RASSF3: variants seen among roughly 807,000 people sequenced by gnomAD.
RASSF3 encodes Ras association domain family member 3.
In RASSF3, 19 loss-of-function variants were observed where a neutral mutation model predicts 19.9. The ratio of observed to expected loss-of-function variants is 0.96; its 90% CI spans 0.67 to 1.40. The LOEUF is 1.40. Among genes scored for constraint, RASSF3 ranks in the 40% most tolerant of loss-of-function variants. The pLI, the probability that RASSF3 is intolerant of heterozygous loss-of-function variation, is 0.00. For synonymous variants in RASSF3, 110 were observed against 104.2 expected (o/e 1.06, Z -0.34); for missense variants, 306 against 289.8 (o/e 1.06, Z -0.41).
At chr12:64,591,798 A>G (rs888304425) in intron 2 of RASSF3, among the ~76,000 whole-genome samples, 13 of 152,178 alleles carry the variant, frequency 8.5e-5, no homozygotes, top group African/African-American at 2.7e-4. Context: ...CAAAATCAGA[A>G]CTATAAACCT....
chr12:64,571,058 A>G (rs978032959), intron 2 of RASSF3, among the ~76,000 whole-genome samples: 16 of 152,184 alleles, frequency 1.1e-4, no homozygotes, highest in African/African-American at 3.9e-4. Flanking sequence ...TCTCTACTAA[A>G]AATACAAAAA....
intron 1 of RASSF3, among the ~76,000 whole-genome samples, chr12:64,632,680 G>A (rs1433118512): frequency 6.6e-6 from 1 of 152,018 alleles, no homozygotes; most frequent in East Asian, 1.9e-4. Context: ...AGAGGAACAG[G>A]TTTAGTGAGG....
rs1716497 is a variant in RASSF3, at chr12:64,640,889, T to A, written c.111+30146T>A. Among the ~76,000 whole-genome samples, 8 of 151,878 alleles carry A rather than the reference T, an allele frequency of 5.3e-5. No homozygotes were observed. In the South Asian group the frequency reaches 8.3e-4, roughly 16 times the overall value. ...ACTCCTGGGTTCAAGCAGTCCTCCC[T>A]CCTCGACCTCCCAAAGTGCTGGGAG... is the stretch of plus-strand genomic sequence containing the variant. On this transcript the variant is annotated intron_variant, in intron 1 of 4. Transcript: ENST00000542104.
At chr12:64,610,164 A>G (rs992189897), upstream of RASSF3, among the ~76,000 whole-genome samples, 1 of 152,178 alleles carries the variant, frequency 6.6e-6, no homozygotes, top group African/African-American at 2.4e-5. Flanking sequence ...AACTCGAGCC[A>G]GCGAGGCTGG....
At chr12:64,684,377 C>T (rs1007250213) in intron 1 of RASSF3, among the ~76,000 whole-genome samples, 1 of 151,628 alleles carries the variant, frequency 6.6e-6, no homozygotes. Flanking sequence ...CACCACCGTG[C>T]CCGGCCCTTG....
intron 2 of RASSF3, among the ~76,000 whole-genome samples, chr12:64,603,223 T>C (rs537295178): frequency 6.6e-6 from 1 of 152,300 alleles, no homozygotes; most frequent in African/African-American, 2.4e-5. Context: ...AAGGTAATTA[T>C]GACTTGGTCA....
In RASSF3 at chr12:64,633,249, A is replaced by G. The variant is rs1049680873; in HGVS notation, c.111+22506A>G. On this transcript the variant is annotated intron_variant, in intron 1 of 4. Transcript: ENST00000542104. ...TATTCTCTGGTTTTGACACCAGTGGATACTGATACGGTTTGGATGTGTGTT... is the reference window on the plus strand; with the variant it reads ...TATTCTCTGGTTTTGACACCAGTGGGTACTGATACGGTTTGGATGTGTGTT... Among the ~76,000 whole-genome samples, 7 of 152,192 alleles carry G rather than the reference A, an allele frequency of 4.6e-5. 1 individual carries two copies. In the South Asian group the frequency reaches 1.4e-3, roughly 32 times the overall value.
intron 2 of RASSF3, among the ~76,000 whole-genome samples, chr12:64,588,083 C>A (rs150167823): frequency 2.0e-5 from 3 of 152,092 alleles, no homozygotes; most frequent in Admixed American, 6.6e-5. Context: ...TACATCCCCC[C>A]ACAACCTTTT....
chr12:64,595,556 T>G (rs761284337), intron 2 of RASSF3, among the ~76,000 whole-genome samples: 25 of 152,228 alleles, frequency 1.6e-4, no homozygotes, highest in Non-Finnish European at 2.8e-4. Context: ...AGTTCCCATA[T>G]GCGTATGTAA....
chr12:64,596,573 A>G (rs902729905), intron 2 of RASSF3, among the ~76,000 whole-genome samples: 1 of 152,092 alleles, frequency 6.6e-6, no homozygotes, highest in African/African-American at 2.4e-5. Context: ...AGTTTCACAA[A>G]CTATGGTCAG....
chr12:64,517,410 A>AT lies in RASSF3; in HGVS notation c.169+10082dup, dbSNP rs540747293. Among the ~76,000 whole-genome samples, 176 of 152,300 alleles carry AT rather than the reference A, an allele frequency of 1.2e-3. 1 individual carries two copies. Among genetic ancestry groups the AT allele is most frequent in the Admixed American group, 4.6e-3 (71 of 15,280 alleles). ...AATGTTCTAAATTTCATCTGGAAGA[A>AT]TAAACATGGAAGAATATGAAAGAAG... On this transcript the variant is annotated intron_variant, in intron 1 of 5. Transcript: ENST00000637125.
chr12:64,686,528 G>A (rs1027076615), intron 2 of RASSF3, among the ~76,000 whole-genome samples: 30 of 150,942 alleles, frequency 2.0e-4, no homozygotes, highest in African/African-American at 5.4e-4. Flanking sequence ...GAAGAATGGC[G>A]TGAACCCAGG....
chr12:64,581,800 G>A (rs1038453435), intron 2 of RASSF3, among the ~76,000 whole-genome samples: 1 of 143,704 alleles, frequency 7.0e-6, no homozygotes, highest in African/African-American at 2.6e-5. Flanking sequence ...TTTTTTTTTT[G>A]TTTTTCTTTT....
chr12:64,651,578 T>C (rs985532232), intron 1 of RASSF3, among the ~76,000 whole-genome samples: 2 of 152,280 alleles, frequency 1.3e-5, no homozygotes, highest in Non-Finnish European at 2.9e-5. Context: ...CAGGCTGGTC[T>C]TGAACTCCTG....
chr12:64,601,277 G>C lies in RASSF3; in HGVS notation c.294+59572G>C, dbSNP rs1291678856. ...GCACTCAGCCTAGGTGACAGAGTGA[G>C]ACCTTGTCTTAAAAATATGTAATAA... On this transcript the variant is annotated intron_variant, in intron 2 of 5. Coordinates refer to the RASSF3 transcript ENST00000637125. Among the ~76,000 whole-genome samples, 3 of 152,134 alleles carry C rather than the reference G, an allele frequency of 2.0e-5. No individual in the cohort carries two copies. The East Asian group carries it at 5.8e-4, about 29-fold the overall frequency.
intron 1 of RASSF3, among the ~76,000 whole-genome samples, chr12:64,662,449 C>T (rs1872402181): frequency 6.6e-6 from 1 of 150,914 alleles, no homozygotes; most frequent in African/African-American, 2.4e-5. Context: ...AAGATAAATG[C>T]CTAGATATCT....
Position 64,688,408 on chromosome 12 carries a change from C to G in RASSF3, c.412C>G (p.Pro138Ala). 6.2e-7 allele frequency: 1 copy of G among 1,614,172 alleles called. No individual in the cohort carries two copies. The change falls in exon 3 of 5, where the codon CCT becomes GCT. Residue 138 changes from proline to alanine, a missense_variant. Physicochemically the swap from Pro to Ala is conservative, Grantham distance 27. Coordinates refer to ENST00000542104, the MANE Select transcript of RASSF3 (RefSeq NM_178169.4). ...CAAAAAGTTTCTCGTGACTGAGAGC[C>G]CTGCCAAGTTTGCACTTTATAAGCG... ...LLKKFLVTESPAKFALYKRCH... is the reference protein window; with the variant it reads ...LLKKFLVTESAAKFALYKRCH...
At chr12:64,557,112 C>T (rs1343458274) in intron 2 of RASSF3, among the ~76,000 whole-genome samples, 1 of 152,134 alleles carries the variant, frequency 6.6e-6, no homozygotes, top group East Asian at 1.9e-4. Context: ...GCTAGGATTA[C>T]AGGTATGAGC....
intron 2 of RASSF3, among the ~76,000 whole-genome samples, chr12:64,580,146 C>T (rs571756084): frequency 6.6e-6 from 1 of 151,980 alleles, no homozygotes; most frequent in South Asian, 2.1e-4. Flanking sequence ...TGATCTGTGC[C>T]CCACTTAGGT....
Sources: allele counts gnomAD v4.1 joint callset (sites outside exome capture counted in the v4.1 genomes callset), GRCh38; gene constraint gnomAD v4.1.1; transcripts MANE v1.5; gene names NCBI Gene and HGNC (gene_info 2026-07-23, HGNC 2026-07-21).